Variants in NCOA3 observed in about 807,000 individuals in gnomAD.
NCOA3 encodes the protein CBP-interacting protein.
NCOA3 carries 51 observed loss-of-function variants against 158.8 expected under a neutral mutation model. That is an observed-to-expected ratio of 0.32 (90% CI 0.26 to 0.41). NCOA3 has a LOEUF of 0.41. Among genes scored for constraint, NCOA3 ranks in the 10% least tolerant of loss-of-function variants. The pLI is 1.00. For missense variants in NCOA3, 1,510 were observed against 1,746.6 expected, an observed-to-expected ratio of 0.86 and a Z score of 2.41; for synonymous variants, 537 against 592.4, an observed-to-expected ratio of 0.91 and a Z score of 1.36.
At chr20:47,612,743 G>A (rs1309289479) in intron 2 of NCOA3, among the ~76,000 whole-genome samples, 1 of 152,190 alleles carries the variant, frequency 6.6e-6, no homozygotes, top group African/African-American at 2.4e-5. Flanking sequence ...AGAAGTCAAT[G>A]TAACCTTTAA....
chr20:47,550,709 C>T (rs527497238), intron 1 of NCOA3, among the ~76,000 whole-genome samples: 2 of 152,224 alleles, frequency 1.3e-5, no homozygotes, highest in African/African-American at 2.4e-5. Flanking sequence ...TGAATGACAT[C>T]GCTTTCACAT....
chr20:47,587,100 T>A (rs1204296662), intron 2 of NCOA3, among the ~76,000 whole-genome samples: 2 of 152,224 alleles, frequency 1.3e-5, no homozygotes, highest in African/African-American at 2.4e-5. Flanking sequence ...AAAATGGTCA[T>A]TTTTTTCTTT....
chr20:47,652,960 A>G lies in NCOA3; in HGVS notation c.4151A>G (p.Gln1384Arg). 1 of 1,614,222 alleles carries G rather than the reference A, an allele frequency of 6.2e-7. No homozygotes were observed. Among genetic ancestry groups the G allele is most frequent in the Non-Finnish European group, 8.5e-7 (1 of 1,180,028 alleles). ...TTTTCCCAGCAGCAGTTTGCCCACC[A>G]GGGGAATCCTGCAGTGTATAGTATG... ...SSFSQQQFAHQGNPAVYSMVH... is the reference protein window; with the variant it reads ...SSFSQQQFAHRGNPAVYSMVH... The change falls in exon 22 of 23, where the codon CAG becomes CGG. Residue 1384 changes from glutamine (Q) to arginine (R), a missense_variant. By Grantham distance (43) the Gln-to-Arg change is conservative. Transcript: ENST00000371998.
intron 1 of NCOA3, among the ~76,000 whole-genome samples, chr20:47,523,160 T>A (rs1456020103): frequency 2.0e-5 from 3 of 152,178 alleles, no homozygotes; most frequent in Non-Finnish European, 4.4e-5. Flanking sequence ...CACTCCAGGC[T>A]GGGCGATAGA....
At chr20:47,533,354 T>C (rs1057306812) in intron 1 of NCOA3, among the ~76,000 whole-genome samples, 3 of 151,570 alleles carry the variant, frequency 2.0e-5, no homozygotes, top group Non-Finnish European at 4.4e-5. Flanking sequence ...AAGCATTTCT[T>C]TTTTCTTTGG....
chr20:47,581,743 A>G (rs2085456274), intron 1 of NCOA3, among the ~76,000 whole-genome samples: 1 of 152,206 alleles, frequency 6.6e-6, no homozygotes, highest in Non-Finnish European at 1.5e-5. Flanking sequence ...TCACTTATTT[A>G]TTGCAGCAGA....
intron 1 of NCOA3, among the ~76,000 whole-genome samples, chr20:47,505,763 G>A (rs2084022243): frequency 6.6e-6 from 1 of 150,564 alleles, no homozygotes; most frequent in Non-Finnish European, 1.5e-5. Context: ...GAATAGCTTT[G>A]AGATTGAGTG....
intron 1 of NCOA3, among the ~76,000 whole-genome samples, chr20:47,559,161 A>G (rs8123502): frequency 0.11 from 16,897 of 152,038 alleles, 1,188 homozygotes; most frequent in Middle Eastern, 0.18. Context: ...GGGGGCAGGT[A>G]AACCAACTCA....
At chr20:47,508,482 G>C (rs72661176) in intron 1 of NCOA3, among the ~76,000 whole-genome samples, 1 of 152,310 alleles carries the variant, frequency 6.6e-6, no homozygotes, top group East Asian at 1.9e-4. Flanking sequence ...TCCATCTCAT[G>C]CATTTGAGAA....
At chr20:47,505,134 T>A (rs1276091605) in intron 1 of NCOA3, among the ~76,000 whole-genome samples, 1 of 144,770 alleles carries the variant, frequency 6.9e-6, no homozygotes, top group Non-Finnish European at 1.5e-5. Context: ...CGATCTTGGC[T>A]CACTGCAACC....
chr20:47,550,833 A>G (rs556032481), intron 1 of NCOA3, among the ~76,000 whole-genome samples: 13 of 152,268 alleles, frequency 8.5e-5, no homozygotes, highest in South Asian at 2.1e-4. Flanking sequence ...TAGCGAACAG[A>G]TTCACTGACA....
rs775360219 is a variant in NCOA3, at chr20:47,633,616, A to G, written c.944A>G (p.Gln315Arg). 4.4e-5 allele frequency: 71 copies of G among 1,612,994 alleles called. No homozygotes were observed. The highest frequency in any genetic ancestry group is 5.8e-5 in the Non-Finnish European group (69 of 1,179,792). Residue 315 changes from glutamine (Q) to arginine (R), a missense_variant, in exon 9 of 23, where the codon CAG (glutamine) becomes CGG (arginine). Coordinates refer to ENST00000371998, the MANE Select transcript of NCOA3 (RefSeq NM_181659.3). ...FSLNDGQSWS[Q>R]KRHYQEAYLN... ...CTAAATGATGGGCAGTCATGGTCCC[A>G]GAAACGTCACTATCAAGAAGGTAAA...
intron 1 of NCOA3, among the ~76,000 whole-genome samples, chr20:47,580,643 T>C (rs2085438516): frequency 6.6e-6 from 1 of 151,828 alleles, no homozygotes; most frequent in South Asian, 2.1e-4. Context: ...CCCTCCTTCG[T>C]CTTTCCTAAT....
chr20:47,509,191 C>G (rs1009557988), intron 1 of NCOA3, among the ~76,000 whole-genome samples: 1 of 151,996 alleles, frequency 6.6e-6, no homozygotes, highest in African/African-American at 2.4e-5. Context: ...GAATTTGAGA[C>G]CAGCCTGGGC....
chr20:47,610,251 A>G (rs2146276214), intron 2 of NCOA3, among the ~76,000 whole-genome samples: 1 of 152,156 alleles, frequency 6.6e-6, no homozygotes, highest in Middle Eastern at 3.4e-3. Flanking sequence ...TTGAGACGGG[A>G]TCTTGCTCTG....
chr20:47,594,771 G>C (rs1315245317), intron 2 of NCOA3, among the ~76,000 whole-genome samples: 4 of 149,710 alleles, frequency 2.7e-5, no homozygotes, highest in African/African-American at 9.8e-5. Context: ...GGAAGGCTGA[G>C]GTGGGCAGAA....
chr20:47,623,898 C>T lies in NCOA3; in HGVS notation c.84-13C>T. On this transcript the variant is annotated splice_polypyrimidine_tract_variant and intron_variant, in intron 3 of 22. Coordinates refer to ENST00000371998, the MANE Select transcript of NCOA3 (RefSeq NM_181659.3). ...ATGTCTCCTTTCCCCCCTTTCTACG[C>T]CTTTTCCCTTAGTCTTACCTGCAGT... 6.2e-7 allele frequency: 1 copy of T among 1,604,594 alleles called. No homozygotes were observed. The highest frequency in any genetic ancestry group is 1.1e-5 in the South Asian group (1 of 89,144).
At chr20:47,647,849 T>C (rs1054061707) in intron 18 of NCOA3, among the ~76,000 whole-genome samples, 5 of 152,042 alleles carry the variant, frequency 3.3e-5, no homozygotes, top group African/African-American at 1.2e-4. Context: ...TTTTATTGTT[T>C]ATGTCTTCAA....
At position 47,622,311 on chromosome 20, in the gene NCOA3, T is replaced by C. The variant is rs140235515; in HGVS notation, c.64T>C (p.Cys22Arg). Residue 22 changes from cysteine to arginine, a missense_variant, in exon 3 of 23, where the codon TGT becomes CGT. Coordinates refer to ENST00000371998, the MANE Select transcript of NCOA3 (RefSeq NM_181659.3). ...ASDSRKRKLPCDTPGQGLTCS... is the reference protein window; with the variant it reads ...ASDSRKRKLPRDTPGQGLTCS... ...TGATTCACGAAAACGCAAATTGCCA[T>C]GTGATACTCCAGGACAAGGGTAGGT... is the stretch of plus-strand genomic sequence containing the variant. The C allele has an allele frequency of 1.8e-5, 29 of 1,606,238 alleles. No homozygotes were observed. The highest frequency in any genetic ancestry group is 1.1e-4 in the East Asian group (5 of 44,348).
Sources: allele counts gnomAD v4.1 joint callset (sites outside exome capture counted in the v4.1 genomes callset), GRCh38; gene constraint gnomAD v4.1.1; transcripts MANE v1.5; gene names NCBI Gene and HGNC (gene_info 2026-07-23, HGNC 2026-07-21).